Variants in PLEKHA5 observed in about 807,000 individuals in gnomAD.
PLEKHA5 encodes pleckstrin homology domain containing A5.
A neutral mutation model predicts 181.9 loss-of-function variants in PLEKHA5; 55 were observed. That is an observed-to-expected ratio of 0.30 (90% CI 0.24 to 0.38). The LOEUF (loss-of-function observed/expected upper bound fraction) is 0.38, where lower values mean the gene tolerates loss of function less well. Among genes scored for constraint, PLEKHA5 ranks in the 10% least tolerant of loss-of-function variants. The pLI, the probability that PLEKHA5 is intolerant of heterozygous loss-of-function variation, is 1.00. For missense variants in PLEKHA5, 1,432 were observed against 1,549.5 expected (o/e 0.92, Z 1.27); for synonymous variants, 535 against 529.4 (o/e 1.01, Z -0.15).
At chr12:19,209,372 G>A (rs187325737) in intron 3 of PLEKHA5, among the ~76,000 whole-genome samples, 1 of 152,270 alleles carries the variant, frequency 6.6e-6, no homozygotes, top group East Asian at 1.9e-4. Context: ...ATCCACATCA[G>A]TTTTCAAGGA....
chr12:19,159,547 TTC>T (rs1476737596), intron 3 of PLEKHA5, among the ~76,000 whole-genome samples: 4 of 152,186 alleles, frequency 2.6e-5, no homozygotes, highest in African/African-American at 7.2e-5. Context: ...TGTTCTGTTA[TTC>T]TGTTTATTCT....
intron 15 of PLEKHA5, among the ~76,000 whole-genome samples, chr12:19,298,713 A>G (rs1398275605): frequency 6.6e-6 from 1 of 152,080 alleles, no homozygotes; most frequent in African/African-American, 2.4e-5. Context: ...CCAAAAAGCT[A>G]AAGCAAAAAA....
In PLEKHA5 at chr12:19,265,823, T is replaced by C. The variant is rs746277160; in HGVS notation, c.684T>C (p.Asp228=). The C allele has an allele frequency of 1.3e-6, 2 of 1,598,428 alleles. No individual in the cohort carries two copies. Among genetic ancestry groups the C allele is most frequent in the Non-Finnish European group, 1.7e-6 (2 of 1,167,158 alleles). The change falls in exon 8 of 32, where the codon GAT becomes GAC. Residue 228 remains aspartate, a synonymous_variant. Coordinates refer to ENST00000429027, the MANE Select transcript of PLEKHA5 (RefSeq NM_001256470.2). ...AGATAGCTTTGCTTACCTCTGAAGA[T>C]CACATTAATCGCAAATATGCTTTTA... The part of the protein sequence containing the change: ...SFQIALLTSE[D]HINRKYAFKA...
At chr12:19,268,043 C>T (rs1047464051) in intron 8 of PLEKHA5, among the ~76,000 whole-genome samples, 5 of 151,916 alleles carry the variant, frequency 3.3e-5, no homozygotes, top group African/African-American at 9.7e-5. Context: ...GGGTGATGGA[C>T]GGCCTCAATG....
intron 14 of PLEKHA5, 49 bp downstream of exon 14, chr12:19,290,845 T>C (rs564720221): frequency 1.3e-6 from 2 of 1,483,732 alleles, no homozygotes; most frequent in African/African-American, 1.4e-5. Flanking sequence ...ATCTCTTATT[T>C]TGAAACACTC....
intron 6 of PLEKHA5, 146 bp from the exon 7 acceptor site, chr12:19,260,803 T>G (rs2068256186): frequency 2.5e-6 from 1 of 404,066 alleles, no homozygotes; most frequent in Admixed American, 3.3e-5. Flanking sequence ...GAGGTTGCAG[T>G]GAGCAGAGGT....
intron 15 of PLEKHA5, among the ~76,000 whole-genome samples, chr12:19,298,952 A>G (rs1054682166): frequency 1.3e-5 from 2 of 152,236 alleles, no homozygotes; most frequent in Non-Finnish European, 2.9e-5. Flanking sequence ...AGTCTCCTCT[A>G]CAGGCTATGG....
intron 3 of PLEKHA5, 29 bp downstream of exon 3, chr12:19,132,479 T>G: frequency 8.4e-7 from 1 of 1,187,790 alleles, no homozygotes; most frequent in Non-Finnish European, 1.2e-6. Context: ...ATTTTTTTCC[T>G]TCGTAATTAG....
chr12:19,199,672 A>C (rs2053739887), intron 3 of PLEKHA5, among the ~76,000 whole-genome samples: 1 of 152,186 alleles, frequency 6.6e-6, no homozygotes, highest in Non-Finnish European at 1.5e-5. Context: ...AGTCCCAGCA[A>C]AAAGTAGCAT....
At chr12:19,262,885 A>G (rs1272164606) in intron 7 of PLEKHA5, among the ~76,000 whole-genome samples, 2 of 152,190 alleles carry the variant, frequency 1.3e-5, no homozygotes, top group Non-Finnish European at 1.5e-5. Context: ...AGTTGGAAAA[A>G]CAAACAAACA....
At chr12:19,141,134 A>G (rs2037145664) in intron 3 of PLEKHA5, among the ~76,000 whole-genome samples, 1 of 152,060 alleles carries the variant, frequency 6.6e-6, no homozygotes, top group Admixed American at 6.6e-5. Flanking sequence ...ATGCAAGTAA[A>G]TTCTTCAAGG....
intron 15 of PLEKHA5, chr12:19,306,592 C>T (rs2152954658): frequency 3.6e-6 from 3 of 826,934 alleles, no homozygotes; most frequent in South Asian, 1.4e-5. Context: ...CGGGCCCTAG[C>T]GGCGGGCCCA....
In PLEKHA5 at chr12:19,322,567, A is replaced by G; in HGVS notation, c.2348A>G (p.His783Arg). 1 of 1,613,850 alleles carries G rather than the reference A, an allele frequency of 6.2e-7. No homozygotes were observed. Among genetic ancestry groups the G allele is most frequent in the Non-Finnish European group, 8.5e-7 (1 of 1,179,702 alleles). ...LLSASQEIEM[H>R]ADNPAAIQTV... ...TCAGCCAGCCAAGAGATAGAAATGC[A>G]TGCAGATAACCCAGCAGCCATTCAG... Residue 783 changes from histidine to arginine, a missense_variant, in exon 20 of 32, where the codon CAT becomes CGT. Physicochemically the swap from His to Arg is conservative, Grantham distance 29. Transcript: ENST00000429027.
chr12:19,205,970 A>G (rs981287671), intron 3 of PLEKHA5, among the ~76,000 whole-genome samples: 5 of 152,132 alleles, frequency 3.3e-5, no homozygotes, highest in African/African-American at 1.2e-4. Context: ...GCTGTGTAAT[A>G]CAGTTGATCA....
chr12:19,270,926 T>C (rs765678322), intron 10 of PLEKHA5, among the ~76,000 whole-genome samples: 5 of 152,164 alleles, frequency 3.3e-5, no homozygotes, highest in Non-Finnish European at 7.3e-5. Flanking sequence ...AAGACTTAGG[T>C]TGATGCTGTG....
In PLEKHA5 at chr12:19,129,740, C is replaced by T. The variant is rs1455014182; in HGVS notation, c.-60C>T. 206 of 1,358,912 alleles carry T rather than the reference C, an allele frequency of 1.5e-4. No individual in the cohort carries two copies. The highest frequency in any genetic ancestry group is 1.0e-4 in the Non-Finnish European group (100 of 969,392). The allele number at this position is 1,358,912 out of a possible 1,614,324, so 84.2% of individuals were successfully genotyped here. ...CGCTCCCTTCGCTCGCTCGTTCCCT[C>T]CTCCCTCGGCAGCCGCGGCGGCAGC... On this transcript the variant is annotated 5_prime_UTR_variant, in exon 1 of 32. Coordinates refer to ENST00000429027, the MANE Select transcript of PLEKHA5 (RefSeq NM_001256470.2).
intron 3 of PLEKHA5, 130 bp downstream of exon 3, chr12:19,132,580 TTATTTTG>T (rs770911032): frequency 8.4e-6 from 5 of 592,526 alleles, no homozygotes; most frequent in Non-Finnish European, 1.5e-5. Context: ...ACTGTATTCT[TTATTTTG>T]TATAGTGTCA....
At chr12:19,318,312 T>A (rs1361610936) in intron 16 of PLEKHA5, among the ~76,000 whole-genome samples, 1 of 152,078 alleles carries the variant, frequency 6.6e-6, no homozygotes, top group Non-Finnish European at 1.5e-5. Context: ...CTGATTGATA[T>A]GTATAATATA....
intron 8 of PLEKHA5, among the ~76,000 whole-genome samples, chr12:19,266,339 A>C (rs2070392555): frequency 6.6e-6 from 1 of 151,772 alleles, no homozygotes; most frequent in South Asian, 2.1e-4. Context: ...AAAAAAAAAA[A>C]CATACTAGCC....
Sources: gnomAD v4.1 joint callset for allele counts (sites outside exome capture counted in the v4.1 genomes callset) on GRCh38, gnomAD v4.1.1 for gene constraint, MANE v1.5 for transcripts, NCBI Gene and HGNC (gene_info 2026-07-23, HGNC 2026-07-21) for gene names.